The following RAB27A variants were observed in gnomAD, a reference collection of about 807,000 sequenced individuals.
RAB27A encodes RAB27A, member RAS oncogene family.
RAB27A carries 17 observed loss-of-function variants against 20.8 expected under a neutral mutation model. That is an observed-to-expected ratio of 0.82 (90% CI 0.56 to 1.23). RAB27A has a LOEUF of 1.23. RAB27A is among the 50% of genes most tolerant of loss of function. RAB27A has a pLI of 0.00. For missense variants in RAB27A, 277 were observed against 266.7 expected, an observed-to-expected ratio of 1.04 and a Z score of -0.27; for synonymous variants, 85 against 92.8, an observed-to-expected ratio of 0.92 and a Z score of 0.48.
intron 2 of RAB27A, among the ~76,000 whole-genome samples, chr15:55,312,535 G>C (rs1053290481): frequency 1.3e-5 from 2 of 152,072 alleles, no homozygotes; most frequent in African/African-American, 2.4e-5. Context: ...GCTTCCAATT[G>C]TTTCACATCC....
chr15:55,307,721 T>G (rs1217046342), intron 2 of RAB27A, among the ~76,000 whole-genome samples: 1 of 150,790 alleles, frequency 6.6e-6, no homozygotes, highest in African/African-American at 2.4e-5. Flanking sequence ...GATTTTGGCA[T>G]GTGGATAAAA....
chr15:55,261,141 G>A (rs1371767065), intron 2 of RAB27A, among the ~76,000 whole-genome samples: 1 of 151,826 alleles, frequency 6.6e-6, no homozygotes, highest in Admixed American at 6.5e-5. Flanking sequence ...ATGGTGGCCT[G>A]TAATCCCAGC....
At chr15:55,222,123 G>C (rs1895599383) in intron 6 of RAB27A, among the ~76,000 whole-genome samples, 1 of 152,116 alleles carries the variant, frequency 6.6e-6, no homozygotes, top group Non-Finnish European at 1.5e-5. Flanking sequence ...AGTGAACCCT[G>C]CCTGAGAAAC....
intron 1 of RAB27A, among the ~76,000 whole-genome samples, chr15:55,284,576 G>C (rs985489110): frequency 2.6e-5 from 4 of 152,356 alleles, no homozygotes; most frequent in Admixed American, 2.6e-4. Context: ...AAAAGTCAAA[G>C]TGTCTCATGA....
chr15:55,262,206 A>C (rs1169036935), intron 2 of RAB27A, among the ~76,000 whole-genome samples: 1 of 152,070 alleles, frequency 6.6e-6, no homozygotes, highest in Non-Finnish European at 1.5e-5. Flanking sequence ...ATTAGGTAAA[A>C]ATAAATTACT....
At chr15:55,296,622 G>A (rs2054950639) in intron 2 of RAB27A, among the ~76,000 whole-genome samples, 1 of 152,210 alleles carries the variant, frequency 6.6e-6, no homozygotes, top group Admixed American at 6.5e-5. Flanking sequence ...TCCATCCTGA[G>A]GGAGGACTAT....
intron 6 of RAB27A, among the ~76,000 whole-genome samples, chr15:55,215,945 CAAAAAAAAAA>C (rs1162706734): frequency 1.9e-4 from 10 of 52,892 alleles, no homozygotes; most frequent in Non-Finnish European, 3.4e-4. Flanking sequence ...GACGCCGTCT[CAAAAAAAAAA>C]AAAAAAAAAA....
intron 6 of RAB27A, among the ~76,000 whole-genome samples, chr15:55,210,647 C>T (rs867947096): frequency 1.7e-4 from 26 of 150,942 alleles, no homozygotes; most frequent in African/African-American, 5.3e-4. Context: ...TATTTGAGCC[C>T]CTTATATATT....
chr15:55,232,335 A>C (rs1896063424), intron 3 of RAB27A, among the ~76,000 whole-genome samples: 1 of 152,224 alleles, frequency 6.6e-6, no homozygotes, highest in Admixed American at 6.5e-5. Context: ...AAAATAAATA[A>C]ATATGCAGTA....
chr15:55,274,347 G>A (rs1184439356), intron 1 of RAB27A, among the ~76,000 whole-genome samples: 1 of 150,996 alleles, frequency 6.6e-6, no homozygotes, highest in African/African-American at 2.4e-5. Flanking sequence ...CTAGAAAAAA[G>A]GTAACAAACT....
intron 1 of RAB27A, among the ~76,000 whole-genome samples, chr15:55,314,391 C>T (rs2055034685): frequency 6.6e-6 from 1 of 152,140 alleles, no homozygotes. Context: ...TGTCACTATT[C>T]ATATTCAACA....
intron 6 of RAB27A, among the ~76,000 whole-genome samples, chr15:55,217,199 G>C (rs1895345924): frequency 6.6e-6 from 1 of 151,728 alleles, no homozygotes; most frequent in South Asian, 2.1e-4. Context: ...TAATCACTCA[G>C]AGTTTTCTGA....
chr15:55,213,563 C>T (rs9920737), intron 6 of RAB27A, among the ~76,000 whole-genome samples: 2 of 151,972 alleles, frequency 1.3e-5, no homozygotes, highest in Non-Finnish European at 2.9e-5. Flanking sequence ...GCGAGCAAGC[C>T]AAGTTTCATC....
intron 2 of RAB27A, among the ~76,000 whole-genome samples, chr15:55,253,587 T>A (rs945983992): frequency 6.6e-6 from 1 of 152,192 alleles, no homozygotes; most frequent in Non-Finnish European, 1.5e-5. Context: ...GTCTCTGTCC[T>A]CAGCTAAGCC....
chr15:55,281,103 A>G (rs1898004907), intron 1 of RAB27A, among the ~76,000 whole-genome samples: 1 of 152,208 alleles, frequency 6.6e-6, no homozygotes, highest in Admixed American at 6.5e-5. Flanking sequence ...ACAATGGTTG[A>G]ATCAATTTAC....
chr15:55,204,068 CA>C lies in RAB27A; in HGVS notation c.*1438del, dbSNP rs1321346924. 1 of 152,098 alleles carries C rather than the reference CA, an allele frequency of 6.6e-6. No homozygotes were observed. The highest frequency in any genetic ancestry group is 2.4e-5 in the African/African-American group (1 of 41,408). 9.4% of individuals were successfully genotyped at this position (152,098 alleles called of 1,614,324 possible). A position where few individuals can be genotyped will look rare whatever the true frequency, so the allele number is the denominator to read the frequency against. On this transcript the variant is annotated 3_prime_UTR_variant, in exon 7 of 7. Transcript: ENST00000336787. Reference sequence around the variant, plus strand: ...TTTTTCTAATTACAGTTCTACCAAACATTTGCCACCACAAAATACAAGTATT... The same window carrying C: ...TTTTTCTAATTACAGTTCTACCAAACTTTGCCACCACAAAATACAAGTATT...
At chr15:55,256,221 C>A (rs1897073642) in intron 2 of RAB27A, among the ~76,000 whole-genome samples, 1 of 151,740 alleles carries the variant, frequency 6.6e-6, no homozygotes, top group Non-Finnish European at 1.5e-5. Context: ...TCAAAACCAA[C>A]CTGGGCAACA....
At chr15:55,265,760 A>G (rs1232236358) in intron 2 of RAB27A, among the ~76,000 whole-genome samples, 3 of 152,180 alleles carry the variant, frequency 2.0e-5, no homozygotes, top group African/African-American at 7.2e-5. Flanking sequence ...AAGGTTACTT[A>G]GGATGCATTA....
chr15:55,230,092 T>A (rs1895970500), intron 4 of RAB27A, among the ~76,000 whole-genome samples: 1 of 152,126 alleles, frequency 6.6e-6, no homozygotes, highest in Admixed American at 6.6e-5. Context: ...GAATAATGCA[T>A]GTAACTTGGC....
Sources: gnomAD v4.1 joint callset for allele counts (sites outside exome capture counted in the v4.1 genomes callset) on GRCh38, gnomAD v4.1.1 for gene constraint, MANE v1.5 for transcripts, NCBI Gene and HGNC (gene_info 2026-07-23, HGNC 2026-07-21) for gene names.